Variants in GLP2R observed in about 807,000 individuals in gnomAD.
GLP2R encodes the protein glucagon like peptide 2 receptor.
GLP2R carries 59 observed loss-of-function variants against 68.2 expected under a neutral mutation model. The observed-to-expected ratio is 0.87, with a 90% confidence interval of 0.70 to 1.07. The LOEUF is 1.07. GLP2R is among the 50% of genes least tolerant of loss of function. The probability of loss-of-function intolerance (pLI) is 0.00; values close to 1 mark genes in which losing one functional copy is unlikely to be tolerated. For missense variants in GLP2R, 548 were observed against 677.4 expected (o/e 0.81, Z 2.12); for synonymous variants, 270 against 265.4 (o/e 1.02, Z -0.17).
chr17:9,846,643 C>G (rs951106116), intron 4 of GLP2R, among the ~76,000 whole-genome samples: 3 of 152,090 alleles, frequency 2.0e-5, no homozygotes, highest in Non-Finnish European at 2.9e-5. Flanking sequence ...AAACAAAAAA[C>G]AGTTTAATGT....
chr17:9,873,710 A>G (rs1176069203), intron 10 of GLP2R, among the ~76,000 whole-genome samples: 4 of 152,084 alleles, frequency 2.6e-5, no homozygotes, highest in African/African-American at 9.7e-5. Context: ...AGATTCTGAT[A>G]CACAGCCAGT....
intron 4 of GLP2R, among the ~76,000 whole-genome samples, chr17:9,848,155 T>C (rs2066858534): frequency 6.6e-6 from 1 of 152,228 alleles, no homozygotes; most frequent in South Asian, 2.1e-4. Flanking sequence ...AGGACACCTG[T>C]AGTTGGATTA....
At chr17:9,859,518 C>T (rs1297853350) in intron 6 of GLP2R, among the ~76,000 whole-genome samples, 1 of 151,814 alleles carries the variant, frequency 6.6e-6, no homozygotes, top group African/African-American at 2.4e-5. Context: ...GGGGGCCGGG[C>T]ACGGTGGCTA....
intron 1 of GLP2R, among the ~76,000 whole-genome samples, chr17:9,831,201 C>A (rs1433628807): frequency 6.6e-6 from 1 of 152,114 alleles, no homozygotes; most frequent in Non-Finnish European, 1.5e-5. Flanking sequence ...GCTTGTTGCC[C>A]CTTGTGAGAA....
At chr17:9,888,730 G>A (rs2067264582) in intron 12 of GLP2R, among the ~76,000 whole-genome samples, 1 of 152,212 alleles carries the variant, frequency 6.6e-6, no homozygotes, top group South Asian at 2.1e-4. Context: ...GCCTCCCAGA[G>A]TGCTGGGATT....
intron 11 of GLP2R, among the ~76,000 whole-genome samples, chr17:9,884,905 G>A (rs554195444): frequency 1.4e-4 from 22 of 152,224 alleles, no homozygotes; most frequent in African/African-American, 5.3e-4. Context: ...CAGCTGTTAT[G>A]TAGTAATATT....
intron 2 of GLP2R, chr17:9,834,664 TTTTATTC>T (rs2066710866): frequency 6.6e-6 from 1 of 152,352 alleles, no homozygotes; most frequent in African/African-American, 2.4e-5. Context: ...TTTCAGATCA[TTTTATTC>T]AGAGGCCTTG....
intron 1 of GLP2R, among the ~76,000 whole-genome samples, chr17:9,828,081 G>A (rs965369603): frequency 2.0e-5 from 3 of 152,110 alleles, no homozygotes; most frequent in Admixed American, 6.5e-5. Flanking sequence ...GCAGGCTGTG[G>A]TACCAGGTCT....
intron 10 of GLP2R, among the ~76,000 whole-genome samples, chr17:9,875,696 G>T (rs868551103): frequency 1.1e-4 from 16 of 152,116 alleles, no homozygotes; most frequent in East Asian, 9.6e-4. Flanking sequence ...TATAAACAGG[G>T]TAAGCAATGC....
intron 11 of GLP2R, among the ~76,000 whole-genome samples, chr17:9,885,157 A>ATTT (rs1475546400): frequency 6.9e-6 from 1 of 145,092 alleles, no homozygotes; most frequent in Admixed American, 6.9e-5. Context: ...TTTTATTATT[A>ATTT]TTATTATTAT....
chr17:9,831,296 A>C (rs2066677175), intron 1 of GLP2R, among the ~76,000 whole-genome samples: 1 of 152,216 alleles, frequency 6.6e-6, no homozygotes, highest in Non-Finnish European at 1.5e-5. Context: ...TCCGTCTCAC[A>C]AGTGAGCCTC....
rs9892067 is a variant in GLP2R, at chr17:9,868,348, C to T, written c.1057-2399C>T. ...GGTAGATGAGGCCTACCCCTGAGCTCCCGCTATACCGGCAATCACCTCTGC... is the reference window on the plus strand; with the variant it reads ...GGTAGATGAGGCCTACCCCTGAGCTTCCGCTATACCGGCAATCACCTCTGC... On this transcript the variant is annotated intron_variant, in intron 9 of 12. Coordinates refer to ENST00000262441, the MANE Select transcript of GLP2R (RefSeq NM_004246.3). 4.2e-3 allele frequency among the ~76,000 whole-genome samples: 647 copies of T among 152,270 alleles called. 2 individuals are homozygous for T. Among genetic ancestry groups the T allele is most frequent in the African/African-American group, 0.014 (600 of 41,548 alleles).
At chr17:9,829,178 C>T (rs1480505077) in intron 1 of GLP2R, among the ~76,000 whole-genome samples, 2 of 152,084 alleles carry the variant, frequency 1.3e-5, no homozygotes, top group Admixed American at 6.5e-5. Flanking sequence ...TATCCCCACA[C>T]CACTCTCTCC....
rs1401296929 is a variant in GLP2R, at chr17:9,825,989, C to G, written c.-75C>G. On this transcript the variant is annotated 5_prime_UTR_variant, in exon 1 of 13. Transcript: ENST00000262441. ...TTTCCTCTGTGGACCAAGAGGAATG[C>G]AAGAGGAGGCTGCCTGCGGTGCATC... 3 of 1,208,592 alleles carry G rather than the reference C, an allele frequency of 2.5e-6. No homozygotes were observed. Among genetic ancestry groups the G allele is most frequent in the African/African-American group, 3.1e-5 (2 of 65,452 alleles). The allele number at this position is 1,208,592 out of a possible 1,614,324, so 74.9% of individuals were successfully genotyped here.
intron 4 of GLP2R, among the ~76,000 whole-genome samples, chr17:9,849,911 C>A (rs908126975): frequency 8.5e-5 from 13 of 152,174 alleles, no homozygotes; most frequent in African/African-American, 3.1e-4. Flanking sequence ...CTGCGCCCAG[C>A]CTATTTCCAA....
chr17:9,857,082 C>A (rs1014184983), intron 5 of GLP2R, among the ~76,000 whole-genome samples: 1 of 152,122 alleles, frequency 6.6e-6, no homozygotes, highest in African/African-American at 2.4e-5. Flanking sequence ...CCACCACACC[C>A]AGCTAACTTT....
intron 9 of GLP2R, among the ~76,000 whole-genome samples, chr17:9,865,557 A>G (rs906846095): frequency 6.6e-6 from 1 of 151,986 alleles, no homozygotes; most frequent in African/African-American, 2.4e-5. Flanking sequence ...CCGATGCTCT[A>G]CTCGTATGGA....
rs1275138913 is a variant in GLP2R, at chr17:9,889,739, G to A, written c.*34G>A. 2 of 1,342,206 alleles carry A rather than the reference G, an allele frequency of 1.5e-6. No individual in the cohort carries two copies. Among genetic ancestry groups the A allele is most frequent in the Non-Finnish European group, 1.0e-6 (1 of 985,574 alleles). The allele number at this position is 1,342,206 out of a possible 1,614,324, so 83.1% of individuals were successfully genotyped here. On this transcript the variant is annotated 3_prime_UTR_variant, in exon 13 of 13. Transcript: ENST00000262441. ...TCCACCACCCTGGCTCTGCTCCCAGGGACTCTTGAGGGGGCCCAGGAAGAG... is the reference window on the plus strand; with the variant it reads ...TCCACCACCCTGGCTCTGCTCCCAGAGACTCTTGAGGGGGCCCAGGAAGAG...
chr17:9,835,342 C>A (rs962947576), intron 2 of GLP2R, among the ~76,000 whole-genome samples: 1 of 152,044 alleles, frequency 6.6e-6, no homozygotes, highest in Non-Finnish European at 1.5e-5. Flanking sequence ...GAGTCAGGAG[C>A]CTGTAATATT....
Sources: allele counts gnomAD v4.1 joint callset (sites outside exome capture counted in the v4.1 genomes callset), GRCh38; gene constraint gnomAD v4.1.1; transcripts MANE v1.5; gene names NCBI Gene and HGNC (gene_info 2026-07-23, HGNC 2026-07-21).